The following NOP2 variants were observed in gnomAD, a reference collection of about 807,000 sequenced individuals.
The protein encoded by NOP2 is NOP2 nucleolar protein.
In NOP2, 7 loss-of-function variants were observed where a neutral mutation model predicts 72.7. That is an observed-to-expected ratio of 0.10 (90% CI 0.05 to 0.18). The LOEUF (loss-of-function observed/expected upper bound fraction) is 0.18, where lower values mean the gene tolerates loss of function less well. Among genes scored for constraint, NOP2 ranks in the 10% least tolerant of loss-of-function variants. The pLI is 1.00. For synonymous variants in NOP2, 387 were observed against 388.0 expected, an observed-to-expected ratio of 1.00 and a Z score of 0.03; for missense variants, 954 against 1,014.7, an observed-to-expected ratio of 0.94 and a Z score of 0.81.
chr12:6,559,630 C>T (rs1947593067), intron 15 of NOP2, among the ~76,000 whole-genome samples: 1 of 152,208 alleles, frequency 6.6e-6, no homozygotes, highest in Admixed American at 6.5e-5. Context: ...AAACCCCACC[C>T]TTCCCTTGAG....
At chr12:6,558,234 A>C (rs1947554918) in intron 15 of NOP2, 1 of 319,964 alleles carries the variant, frequency 3.1e-6, no homozygotes, top group Non-Finnish European at 6.0e-6. Flanking sequence ...GGAAGTAACA[A>C]GATGCTGTAA....
In NOP2 at chr12:6,557,411, G is replaced by A; in HGVS notation, c.2021C>T (p.Ser674Phe). ...TGGCTGACTGCTATCCTGGAAGCTG[G>A]AGGAAGCTTGGGTCTTTGTGACAGA... is the stretch of plus-strand genomic sequence containing the variant. Reference protein sequence around the residue: ...VPSVTKTQASSSFQDSSQPAG... With the variant: ...VPSVTKTQASFSFQDSSQPAG... Residue 674 changes from serine (S) to phenylalanine (F), a missense_variant, in exon 16 of 16, where the codon TCC becomes TTC. Physicochemically the swap from Ser to Phe is radical, Grantham distance 155 (BLOSUM62 -2). Transcript: ENST00000322166. 4 of 1,614,068 alleles carry A rather than the reference G, an allele frequency of 2.5e-6. No individual in the cohort carries two copies. The South Asian group carries it at 3.3e-5, about 13-fold the overall frequency.
At chr12:6,564,136 A>C in intron 5 of NOP2, 190 bp from the exon 6 acceptor site, 1 of 1,474,280 alleles carries the variant, frequency 6.8e-7, no homozygotes, top group Non-Finnish European at 9.0e-7. Context: ...TAATGAGGGC[A>C]TGGTGGCACA....
intron 11 of NOP2, 42 bp from the exon 12 acceptor site, chr12:6,561,112 T>A (rs761346827): frequency 6.2e-7 from 1 of 1,606,788 alleles, no homozygotes; most frequent in Non-Finnish European, 8.5e-7. Flanking sequence ...CCAGTTCCAC[T>A]GTCTCCACAC....
chr12:6,563,861 T>C (rs1947711808), intron 6 of NOP2, 30 bp downstream of exon 6: 2 of 1,613,758 alleles, frequency 1.2e-6, no homozygotes, highest in East Asian at 2.2e-5. Context: ...TGGCTTCCTA[T>C]GCTCCATCCC....
At chr12:6,557,769 A>G (rs1947532704) in intron 15 of NOP2, 127 bp from the exon 16 acceptor site, 2 of 967,702 alleles carry the variant, frequency 2.1e-6, no homozygotes, top group African/African-American at 1.7e-5. Context: ...GTCAGTGCCT[A>G]AGAGCAGATT....
intron 5 of NOP2, among the ~76,000 whole-genome samples, chr12:6,565,834 G>A (rs1003583263): frequency 2.6e-5 from 4 of 152,068 alleles, no homozygotes; most frequent in Admixed American, 2.0e-4. Flanking sequence ...GCATTTCTGT[G>A]CCCATCAGTG....
rs140801895 is a variant in NOP2 at position 6,557,819 on chromosome 12, C to G, written c.1790-177G>C. 3.9e-3 allele frequency among the ~76,000 whole-genome samples: 588 copies of G among 152,258 alleles called. 4 individuals carry two copies. The highest frequency in any genetic ancestry group is 0.017 in the Middle Eastern group (5 of 294). ...TACTTAATATAACTTGGCCTTTACT[C>G]AAGTCCTAGTTGAACCTTGTATTAA... On this transcript the variant is annotated intron_variant, in intron 15 of 15. Coordinates refer to ENST00000322166, the MANE Select transcript of NOP2 (RefSeq NM_001258308.2).
chr12:6,567,703 T>G, intron 2 of NOP2, 113 bp downstream of exon 2: 1 of 811,592 alleles, frequency 1.2e-6, no homozygotes, highest in Non-Finnish European at 2.0e-6. Flanking sequence ...TAGTAACTCA[T>G]ACAGAGAAGA....
In NOP2 at chr12:6,568,276, G is replaced by A. The variant is rs1276567989; in HGVS notation, c.-74C>T. The A allele has an allele frequency of 1.0e-5, 2 of 200,820 alleles. No homozygotes were observed. The highest frequency in any genetic ancestry group is 2.0e-5 in the Non-Finnish European group (2 of 98,294). 12.4% of individuals were successfully genotyped at this position (200,820 alleles called of 1,614,324 possible). On this transcript the variant is annotated 5_prime_UTR_variant, in exon 1 of 16. Coordinates refer to ENST00000322166, the MANE Select transcript of NOP2 (RefSeq NM_001258308.2). ...CACGTGCAATCCGGACCTAGCTTTCGGCCGGCACTCGCCACAGAATCGTTC... is the reference window on the plus strand; with the variant it reads ...CACGTGCAATCCGGACCTAGCTTTCAGCCGGCACTCGCCACAGAATCGTTC...
At position 6,560,714 on chromosome 12, in the gene NOP2, G is replaced by C; in HGVS notation, c.1421C>G (p.Ala474Gly). The change falls in exon 13 of 16, where the codon GCC becomes GGC. Residue 474 changes from alanine (A) to glycine (G), a missense_variant. Ala to Gly is a moderately conservative substitution (Grantham distance 60). Around this residue, in one of 3 missense-constraint regions of NOP2, gnomAD observed 187 missense variants for 276.2 expected, o/e 0.68. Transcript: ENST00000322166. The surrounding 1 kb of genome is among the most constrained non-coding windows in gnomAD (Gnocchi z 5.0). ...SGTGVISKDP[A>G]VKTNKDEKDI... ...ACTCCTCACCTTGTTAGTCTTCACG[G>C]CTGGATCCTTGGAGATGACCCCAGT... The C allele has an allele frequency of 1.2e-6, 2 of 1,613,594 alleles. No homozygotes were observed. The highest frequency in any genetic ancestry group is 1.7e-6 in the Non-Finnish European group (2 of 1,179,746).
rs777217668 is a variant in NOP2, at chr12:6,566,149, A to T, written c.426T>A (p.Asp142Glu). ...WGSEDDADTV[D>E]DYGADSNSED... is the part of the protein sequence containing the mutation. ...CAGAGTTGGAGTCAGCTCCATAGTCATCTACCGTATCAGCATCGTCCTCGG... is the reference window on the plus strand; with the variant it reads ...CAGAGTTGGAGTCAGCTCCATAGTCTTCTACCGTATCAGCATCGTCCTCGG... The change falls in exon 5 of 16, where the codon GAT becomes GAA. Residue 142 changes from aspartate to glutamate, a missense_variant. Around this residue, in one of 3 missense-constraint regions of NOP2, gnomAD observed 498 missense variants for 478.3 expected, o/e 1.04. Coordinates refer to ENST00000322166, the MANE Select transcript of NOP2 (RefSeq NM_001258308.2). 1.2e-6 allele frequency: 2 copies of T among 1,613,980 alleles called. No homozygotes were observed. The highest frequency in any genetic ancestry group is 1.7e-6 in the Non-Finnish European group (2 of 1,179,872).
rs915765419 is a variant in NOP2, at chr12:6,559,586, T to TC, written c.1789+511dup. Reference sequence around the variant, plus strand: ...TCTTCCAACTAAACCCAGGGTTATATCCCAGTAAGCAGTGCTCTCAAGGCT... The same window carrying TC: ...TCTTCCAACTAAACCCAGGGTTATATCCCCAGTAAGCAGTGCTCTCAAGGCT... On this transcript the variant is annotated intron_variant, in intron 15 of 15. Coordinates refer to ENST00000322166, the MANE Select transcript of NOP2 (RefSeq NM_001258308.2). 2.0e-5 allele frequency among the ~76,000 whole-genome samples: 3 copies of TC among 152,154 alleles called. No homozygotes were observed. The East Asian group carries it at 5.8e-4, about 29-fold the overall frequency.
Position 6,557,097 on chromosome 12 carries a change from C to T in NOP2, c.2335G>A (p.Gly779Arg). The T allele has an allele frequency of 2.5e-6, 4 of 1,613,926 alleles. No individual in the cohort carries two copies. The highest frequency in any genetic ancestry group is 3.4e-6 in the Non-Finnish European group (4 of 1,179,870). Residue 779 changes from glycine (G) to arginine (R), a missense_variant, in exon 16 of 16, where the codon GGG (glycine) becomes AGG (arginine). This residue lies in a region of NOP2 where 269 missense variants were observed against 260.2 expected (regional missense o/e 1.03). Transcript: ENST00000322166. ...GGAGACACAGTGGGAGGCTGAGGCC[C>T]CTTGGGGGTATCATTCTGTTTCTGG... The part of the protein sequence containing the change: ...AFQKQNDTPK[G>R]PQPPTVSPIR...
intron 5 of NOP2, chr12:6,564,171 G>T: frequency 2.2e-6 from 3 of 1,349,954 alleles, no homozygotes; most frequent in South Asian, 2.5e-5. Flanking sequence ...AGCTACTTGG[G>T]AAGCTGAGGC....
chr12:6,562,723 G>A (rs1947681548), intron 9 of NOP2, among the ~76,000 whole-genome samples: 1 of 152,220 alleles, frequency 6.6e-6, no homozygotes, highest in South Asian at 2.1e-4. Flanking sequence ...TGGGGCCCCT[G>A]AACCCTTGGA....
chr12:6,565,300 T>C (rs924656387), intron 5 of NOP2, among the ~76,000 whole-genome samples: 2 of 152,042 alleles, frequency 1.3e-5, no homozygotes, highest in African/African-American at 4.8e-5. Context: ...ACTACAGGCG[T>C]ACGCCACCAC....
Position 6,558,397 on chromosome 12 carries a change from G to A in NOP2, c.1790-755C>T, listed in dbSNP as rs554366217. ...AAGCAATTCTCCTGCCTCAGCCTCCGGACAATCACAACCGTGCGCCACCAT... is the reference window on the plus strand; with the variant it reads ...AAGCAATTCTCCTGCCTCAGCCTCCAGACAATCACAACCGTGCGCCACCAT... On this transcript the variant is annotated intron_variant, in intron 15 of 15. Transcript: ENST00000322166. 1.7e-4 allele frequency among the ~76,000 whole-genome samples: 25 copies of A among 149,418 alleles called. 1 individual carries two copies. In the South Asian group the frequency reaches 3.9e-3, roughly 23 times the overall value.
chr12:6,564,420 T>C (rs774057778), intron 5 of NOP2: 5 of 171,448 alleles, frequency 2.9e-5, no homozygotes, highest in Non-Finnish European at 6.3e-5. Flanking sequence ...AAATGGCCCT[T>C]GACTACCATT....
Sources: gnomAD v4.1 joint callset for allele counts (sites outside exome capture counted in the v4.1 genomes callset) on GRCh38, gnomAD v4.1.1 for gene constraint, gnomAD v4.1.1 regional missense constraint, Gnocchi (gnomAD v3.1) non-coding constraint, MANE v1.5 for transcripts, NCBI Gene and HGNC (gene_info 2026-07-23, HGNC 2026-07-21) for gene names.